MGAM: variants seen among roughly 807,000 people sequenced by gnomAD.
The protein encoded by MGAM is maltase-glucoamylase.
Under a neutral mutation model 358.8 loss-of-function variants are expected in MGAM, and 253 were observed. The observed-to-expected ratio is 0.71, with a 90% CI of 0.64 to 0.78. MGAM has a LOEUF of 0.78. Among genes scored for constraint, MGAM ranks in the 30% least tolerant of loss-of-function variants. MGAM has a pLI of 0.00. For missense variants in MGAM, 3,080 were observed against 3,432.6 expected (o/e 0.90, Z 2.57); for synonymous variants, 1,105 against 1,227.1 (o/e 0.90, Z 2.08).
chr7:142,037,666 T>A (rs1808112011), intron 18 of MGAM, among the ~76,000 whole-genome samples: 2 of 152,172 alleles, frequency 1.3e-5, no homozygotes, highest in African/African-American at 4.8e-5. Flanking sequence ...AAAAGTAAAA[T>A]GTTAAATTAT....
chr7:142,034,624 C>T (rs782470540), intron 15 of MGAM, 46 bp from the exon 16 acceptor site: 3 of 1,560,030 alleles, frequency 1.9e-6, no homozygotes, highest in African/African-American at 1.4e-5. Flanking sequence ...TTGGCTGAGA[C>T]AAGCTAAGAT....
intron 16 of MGAM, among the ~76,000 whole-genome samples, chr7:142,035,732 A>G (rs1554465540): frequency 1.3e-5 from 2 of 152,170 alleles, no homozygotes; most frequent in South Asian, 2.1e-4. Context: ...TAAAGATCTA[A>G]AAGGTTGAAC....
intron 31 of MGAM, 78 bp downstream of exon 31, chr7:142,058,406 T>A (rs1811767996): frequency 1.3e-6 from 2 of 1,592,934 alleles, no homozygotes; most frequent in Non-Finnish European, 1.7e-6. Context: ...GTCTAATGTT[T>A]GTTGGATTCC....
chr7:142,040,028 C>T, intron 19 of MGAM, 87 bp from the exon 20 acceptor site: 1 of 1,023,498 alleles, frequency 9.8e-7, no homozygotes, highest in Non-Finnish European at 1.5e-6. Context: ...TTCCTGCCCT[C>T]TCTGTGTATG....
In MGAM at chr7:142,056,025, A is replaced by C. The variant is rs774221928; in HGVS notation, c.3509A>C (p.His1170Pro). ...PGYKKNSYGV[H>P]PYYMGLEEDG... ...TACAAGAAGAATTCCTATGGTGTCCACCCCTACTACATGGGGCTGGAGGAG... is the reference window on the plus strand; with the variant it reads ...TACAAGAAGAATTCCTATGGTGTCCCCCCCTACTACATGGGGCTGGAGGAG... The change falls in exon 29 of 71, where the codon CAC becomes CCC. Residue 1170 changes from histidine to proline, a missense_variant. His to Pro is a moderately conservative substitution (Grantham distance 77). This residue lies in a region of MGAM where 1,816 missense variants were observed against 1,840.5 expected (regional missense o/e 0.99). Coordinates refer to ENST00000475668, the MANE Select transcript of MGAM (RefSeq NM_001365693.1). The C allele has an allele frequency of 1.9e-6, 3 of 1,611,670 alleles. No homozygotes were observed. The African/African-American group carries it at 4.0e-5, about 22-fold the overall frequency.
chr7:142,074,270 A>C, intron 45 of MGAM, 97 bp downstream of exon 45: 10 of 895,486 alleles, frequency 1.1e-5, no homozygotes, highest in Non-Finnish European at 1.7e-5. Context: ...GAGAAATCTC[A>C]GCAGGCACAG....
Position 142,045,708 on chromosome 7 carries a change from A to G in MGAM, c.2499-2077A>G, listed in dbSNP as rs1472099363. Among the ~76,000 whole-genome samples the G allele has an allele frequency of 2.4e-5, 2 of 82,060 alleles. 1 individual carries two copies. Among genetic ancestry groups the G allele is most frequent in the Non-Finnish European group, 4.6e-5 (2 of 43,146 alleles). 53.8% of individuals were successfully genotyped at this position (82,060 alleles called of 152,430 possible). A position where few individuals can be genotyped will look rare whatever the true frequency, so the allele number is the denominator to read the frequency against. On this transcript the variant is annotated intron_variant, in intron 21 of 70. Coordinates refer to ENST00000475668, the MANE Select transcript of MGAM (RefSeq NM_001365693.1). ...TTATATACATACAATATATGAATAT[A>G]TAATATATAATATATACATACAATG...
At position 142,065,823 on chromosome 7, in the gene MGAM, G is replaced by C. The variant is rs1245461580; in HGVS notation, c.4762G>C (p.Gly1588Arg). The change falls in exon 40 of 71, where the codon GGG (glycine) becomes CGG (arginine). Residue 1588 changes from glycine to arginine, a missense_variant. This residue lies in a region of MGAM where 134 missense variants were observed against 198.4 expected (regional missense o/e 0.68). Transcript: ENST00000475668. Reference sequence around the variant, plus strand: ...CTTCTCAAGAAACCACAATACCATTGGGACCAGGGTAGGACAGTGGCTTCT... The same window carrying C: ...CTTCTCAAGAAACCACAATACCATTCGGACCAGGGTAGGACAGTGGCTTCT... ...YPFSRNHNTI[G>R]TRRQDPVSWD... 9 of 1,553,898 alleles carry C rather than the reference G, an allele frequency of 5.8e-6. 1 individual carries two copies. The highest frequency in any genetic ancestry group is 8.0e-6 in the Non-Finnish European group (9 of 1,130,594).
rs1452383588 is a variant in MGAM, at chr7:142,070,265, G to A, written c.5062-729G>A. Among the ~76,000 whole-genome samples, 10 of 145,502 alleles carry A rather than the reference G, an allele frequency of 6.9e-5. 2 individuals are homozygous for A. The South Asian group carries it at 2.2e-3, about 32-fold the overall frequency. ...AAATGAAGATGAATCTCATAATTAG[G>A]ATTAATGAAGAAGTGTCACCTTAAT... On this transcript the variant is annotated intron_variant, in intron 43 of 70. Transcript: ENST00000475668.
chr7:142,092,608 T>C lies in MGAM; in HGVS notation c.7033T>C (p.Tyr2345His), dbSNP rs1172736496. 1.3e-6 allele frequency: 2 copies of C among 1,534,032 alleles called. No individual in the cohort carries two copies. The highest frequency in any genetic ancestry group is 2.3e-5 in the East Asian group (1 of 43,130). ...TCTGAACCACCCTCCCTACATGCCG[T>C]GTAAGAATCCTTGGCCTTCTTGATT... ...ASLNHPPYMPYLESRDRGLSS... is the reference protein window; with the variant it reads ...ASLNHPPYMPHLESRDRGLSS... Residue 2345 changes from tyrosine (Y) to histidine (H), a missense_variant and splice_region_variant, in exon 59 of 71, where the codon TAT becomes CAT. Transcript: ENST00000475668.
chr7:142,100,604 A>G lies in MGAM; in HGVS notation c.7875-198A>G, dbSNP rs139821043. Among the ~76,000 whole-genome samples the G allele has an allele frequency of 3.3e-5, 5 of 152,320 alleles. No homozygotes were observed. The East Asian group carries it at 9.6e-4, about 29-fold the overall frequency. On this transcript the variant is annotated intron_variant, in intron 67 of 70. Transcript: ENST00000475668. ...GCAGAATCCTCTTGATTCATTCACT[A>G]ATTCATTTGTTCATGATATGAAGTC...
At chr7:142,041,981 TAA>T (rs1808761682) in intron 21 of MGAM, among the ~76,000 whole-genome samples, 3 of 13,258 alleles carry the variant, frequency 2.3e-4, no homozygotes, top group African/African-American at 4.6e-4. Flanking sequence ...TATATATATA[TAA>T]TATAATATAT....
intron 3 of MGAM, among the ~76,000 whole-genome samples, chr7:142,011,716 T>G (rs1163327766): frequency 1.3e-5 from 2 of 152,212 alleles, no homozygotes; most frequent in Non-Finnish European, 2.9e-5. Context: ...TATTGAACAC[T>G]ATACTAACCT....
Position 142,027,669 on chromosome 7 carries a change from CG to C in MGAM, c.1156del (p.Glu386AsnfsTer5), listed in dbSNP as rs1563126924. Reference protein sequence around the residue: ...WALGFHLSRYEYGTLDNMREV... With the variant: ...WALGFHLSRYXYGTLDNMREV... ...CGCTTGGATTTCACCTCAGTCGTTA[CG>C]AATATGGAACCTTAGACAACATGAG... On this transcript the variant is annotated frameshift_variant, in exon 10 of 71. Coordinates refer to ENST00000475668, the MANE Select transcript of MGAM (RefSeq NM_001365693.1). LOFTEE classifies it high-confidence loss of function. 2.5e-6 allele frequency: 4 copies of C among 1,613,540 alleles called. No individual in the cohort carries two copies. The African/African-American group carries it at 5.3e-5, about 22-fold the overall frequency.
At chr7:142,040,239 T>C in intron 20 of MGAM, 68 bp downstream of exon 20, 1 of 1,255,758 alleles carries the variant, frequency 8.0e-7, no homozygotes, top group Non-Finnish European at 1.2e-6. Flanking sequence ...AAGCTACCTT[T>C]CTGGAGAGAG....
chr7:142,017,509 T>A (rs1806061326), intron 3 of MGAM, among the ~76,000 whole-genome samples: 1 of 152,200 alleles, frequency 6.6e-6, no homozygotes, highest in Admixed American at 6.5e-5. Flanking sequence ...CATTCCTTGC[T>A]CTTTTGGCCA....
At position 142,065,759 on chromosome 7, in the gene MGAM, G is replaced by A. The variant is rs1812673814; in HGVS notation, c.4698G>A (p.Glu1566=). 6.4e-7 allele frequency: 1 copy of A among 1,555,968 alleles called. No individual in the cohort carries two copies. Among genetic ancestry groups the A allele is most frequent in the Non-Finnish European group, 8.8e-7 (1 of 1,132,600 alleles). Residue 1566 remains glutamate (E), a synonymous_variant, in exon 40 of 71, where the codon GAG becomes GAA. Transcript: ENST00000475668. ...ICGFFQDAEY[E]MCVRWMQLGA... is the part of the protein sequence containing the mutation. The stretch of plus-strand genomic sequence containing the variant: ...GGTTCTTTCAAGACGCTGAGTACGA[G>A]ATGTGTGTTCGCTGGATGCAGCTGG...
Position 142,052,942 on chromosome 7 carries a change from C to T in MGAM, c.3117C>T (p.Arg1039=), listed in dbSNP as rs767220469. 2.8e-5 allele frequency: 45 copies of T among 1,613,742 alleles called. No individual in the cohort carries two copies. Among genetic ancestry groups the T allele is most frequent in the Non-Finnish European group, 3.6e-5 (43 of 1,179,852 alleles). Residue 1039 remains arginine, a synonymous_variant, in exon 26 of 71, where the codon CGC becomes CGT. Transcript: ENST00000475668. ...CCTCCACACCCGTGAACCCCCTTCG[C>T]CTGGATGTCACTTACCATAAGAATG... is the stretch of plus-strand genomic sequence containing the variant. ...AFPSTPVNPL[R]LDVTYHKNEM... is the part of the protein sequence containing the mutation.
At chr7:142,101,250 T>TA (rs1816417683) in intron 68 of MGAM, among the ~76,000 whole-genome samples, 1 of 152,154 alleles carries the variant, frequency 6.6e-6, no homozygotes, top group South Asian at 2.1e-4. Flanking sequence ...GTAATACCTC[T>TA]ATCCGTTGTA....
Sources: allele counts gnomAD v4.1 joint callset (sites outside exome capture counted in the v4.1 genomes callset), GRCh38; gene constraint gnomAD v4.1.1; regional missense constraint gnomAD v4.1.1; transcripts MANE v1.5; gene names NCBI Gene and HGNC (gene_info 2026-07-23, HGNC 2026-07-21).